Variants in CERS4 observed in about 807,000 individuals in gnomAD.
CERS4 encodes LAG1 homolog, ceramide synthase 4.
In CERS4, 65 loss-of-function variants were observed where a neutral mutation model predicts 51.8. The ratio of observed to expected loss-of-function variants is 1.26; its 90% confidence interval spans 1.03 to 1.54. The LOEUF (loss-of-function observed/expected upper bound fraction) is 1.54, where lower values mean the gene tolerates loss of function less well. CERS4 is among the 40% of genes most tolerant of loss of function. CERS4 has a pLI of 0.00. For missense variants in CERS4, 563 were observed against 500.4 expected (o/e 1.13, Z -1.19); for synonymous variants, 228 against 208.4 (o/e 1.09, Z -0.81).
chr19:8,258,059 G>A, intron 10 of CERS4, 74 bp downstream of exon 10: 1 of 1,180,042 alleles, frequency 8.5e-7, no homozygotes, highest in Non-Finnish European at 1.3e-6. Flanking sequence ...CTCACCATTG[G>A]TACCCTGCCC....
chr19:8,252,526 C>A (rs1243979960), intron 3 of CERS4, among the ~76,000 whole-genome samples: 1 of 152,048 alleles, frequency 6.6e-6, no homozygotes, highest in Non-Finnish European at 1.5e-5. Flanking sequence ...ACAACCTCTG[C>A]CTCCCAGGTT....
chr19:8,253,926 G>T (rs1969226211), intron 3 of CERS4, among the ~76,000 whole-genome samples: 1 of 151,980 alleles, frequency 6.6e-6, no homozygotes, highest in South Asian at 2.1e-4. Context: ...ACCCCTCCAG[G>T]GCCCCAGGGG....
intron 2 of CERS4, among the ~76,000 whole-genome samples, chr19:8,249,437 G>A (rs1452004525): frequency 6.6e-6 from 1 of 151,882 alleles, no homozygotes; most frequent in East Asian, 1.9e-4. Context: ...GCCCCACCTC[G>A]ACCGCCACTC....
At chr19:8,251,342 G>T in intron 3 of CERS4, 93 bp downstream of exon 3, 1 of 1,459,084 alleles carries the variant, frequency 6.9e-7, no homozygotes, top group South Asian at 1.5e-5. Context: ...AGCATGTCCC[G>T]AGTAGAAGCT....
chr19:8,259,876 T>G (rs1038806281), intron 10 of CERS4, among the ~76,000 whole-genome samples: 4 of 152,122 alleles, frequency 2.6e-5, no homozygotes, highest in African/African-American at 9.7e-5. Context: ...TCGGGCTTCC[T>G]GATGTTTGCA....
At chr19:8,211,892 A>G (rs967064689) in intron 2 of CERS4, among the ~76,000 whole-genome samples, 10 of 133,546 alleles carry the variant, frequency 7.5e-5, no homozygotes, top group Non-Finnish European at 1.6e-4. Flanking sequence ...ACTATCTCCA[A>G]AAAAAAAAAA....
chr19:8,230,179 CCTTTTTTTTT>C (rs58081765), intron 2 of CERS4, among the ~76,000 whole-genome samples: 347 of 152,024 alleles, frequency 2.3e-3, no homozygotes, highest in African/African-American at 6.3e-3. Flanking sequence ...GCAAGTTAGA[CCTTTTTTTTT>C]CTTTTTTTTT....
chr19:8,236,690 AAAAAAAAAAAAG>A (rs1968270749), intron 2 of CERS4, among the ~76,000 whole-genome samples: 1 of 102,674 alleles, frequency 9.7e-6, no homozygotes, highest in East Asian at 2.8e-4. Context: ...TAAAAAAAAA[AAAAAAAAAAAAG>A]AAAGAAAGAA....
chr19:8,221,399 T>G (rs1419312154), intron 2 of CERS4, among the ~76,000 whole-genome samples: 2 of 152,178 alleles, frequency 1.3e-5, no homozygotes, highest in East Asian at 3.8e-4. Context: ...TTGTTTTGTG[T>G]TCATTGTATT....
chr19:8,231,278 T>C (rs915083923), intron 2 of CERS4, among the ~76,000 whole-genome samples: 3 of 152,194 alleles, frequency 2.0e-5, no homozygotes, highest in Non-Finnish European at 4.4e-5. Flanking sequence ...GTGGAAGATA[T>C]GTTGTAGAGT....
At chr19:8,231,726 G>A (rs1164363906) in intron 2 of CERS4, among the ~76,000 whole-genome samples, 1 of 151,438 alleles carries the variant, frequency 6.6e-6, no homozygotes, top group East Asian at 1.9e-4. Context: ...TTTTCTTTTT[G>A]TATTTTTAGT....
chr19:8,245,048 C>T (rs1009833299), intron 2 of CERS4, among the ~76,000 whole-genome samples: 4 of 145,820 alleles, frequency 2.7e-5, no homozygotes, highest in African/African-American at 1.0e-4. Flanking sequence ...GGAGGCTGAG[C>T]TTGCAGTGAG....
chr19:8,252,442 CTT>C (rs58506162), intron 3 of CERS4, among the ~76,000 whole-genome samples: 14,740 of 148,560 alleles, frequency 0.099, 925 homozygotes, highest in Middle Eastern at 0.19. Flanking sequence ...GGCTGGCTAA[CTT>C]TTTTTTTTTT....
intron 2 of CERS4, among the ~76,000 whole-genome samples, chr19:8,250,021 C>T (rs1351868462): frequency 1.3e-5 from 2 of 152,138 alleles, no homozygotes; most frequent in Admixed American, 1.3e-4. Context: ...GTTGCCCAGG[C>T]TGGAGTGCAG....
chr19:8,224,483 C>A (rs1001996180), intron 2 of CERS4, among the ~76,000 whole-genome samples: 2 of 151,986 alleles, frequency 1.3e-5, no homozygotes, highest in Admixed American at 6.6e-5. Context: ...GGGGAGTGTC[C>A]CCTAACCCAG....
chr19:8,218,575 G>T (rs927501549), intron 2 of CERS4, among the ~76,000 whole-genome samples: 3 of 152,134 alleles, frequency 2.0e-5, no homozygotes, highest in African/African-American at 4.8e-5. Context: ...GGTCACAAAG[G>T]CCTCGAATGC....
At chr19:8,227,180 C>T (rs1252602083) in intron 2 of CERS4, among the ~76,000 whole-genome samples, 2 of 152,036 alleles carry the variant, frequency 1.3e-5, no homozygotes, top group African/African-American at 4.8e-5. Flanking sequence ...AGGGCTCATT[C>T]CCTACCAAAA....
intron 2 of CERS4, among the ~76,000 whole-genome samples, chr19:8,231,961 G>A (rs549365450): frequency 6.7e-6 from 1 of 149,832 alleles, no homozygotes; most frequent in East Asian, 2.0e-4. Context: ...CTGAGTAGCT[G>A]GGACTACAGG....
intron 2 of CERS4, among the ~76,000 whole-genome samples, chr19:8,243,793 C>T (rs907868169): frequency 2.2e-5 from 3 of 138,554 alleles, no homozygotes; most frequent in African/African-American, 5.2e-5. Flanking sequence ...GTGCCCCAAA[C>T]CTGAGTAGCT....
Sources: allele counts gnomAD v4.1 joint callset (sites outside exome capture counted in the v4.1 genomes callset), GRCh38; gene constraint gnomAD v4.1.1; transcripts MANE v1.5; gene names NCBI Gene and HGNC (gene_info 2026-07-23, HGNC 2026-07-21).